RHD: variants seen among roughly 807,000 people sequenced by gnomAD.
The protein encoded by RHD is blood group Rh(D) polypeptide.
RHD carries 16 observed loss-of-function variants against 45.5 expected under a neutral mutation model. The ratio of observed to expected loss-of-function variants is 0.35; its 90% CI spans 0.24 to 0.53. RHD has a LOEUF of 0.53. Ranked by LOEUF, RHD falls within the 20% of genes least tolerant of loss-of-function variation. The probability of loss-of-function intolerance (pLI) is 0.92; values close to 1 mark genes in which losing one functional copy is unlikely to be tolerated. For missense variants in RHD, 306 were observed against 532.0 expected (o/e 0.58, Z 4.18); for synonymous variants, 131 against 217.5 (o/e 0.60, Z 3.50).
chr1:25,311,947 C>T (rs980223813), intron 7 of RHD, among the ~76,000 whole-genome samples: 1 of 129,846 alleles, frequency 7.7e-6, no homozygotes, highest in East Asian at 2.0e-4. Flanking sequence ...AGAGCAGGGT[C>T]TAGTGGAGCT....
intron 2 of RHD, 128 bp downstream of exon 2, chr1:25,284,887 T>A (rs1641831296): frequency 9.3e-7 from 1 of 1,077,234 alleles, no homozygotes; most frequent in Non-Finnish European, 1.4e-6. Flanking sequence ...ATTTAGGACA[T>A]CCTTATACTA....
Position 25,290,878 on chromosome 1 carries a change from G to A in RHD, c.486+87G>A, listed in dbSNP as rs1215165953. ...GGTTTCCAGGGTTTTGAAAAATAAA[G>A]ACAACCTGTAATCCCAGCTACTTGG... On this transcript the variant is annotated intron_variant, in intron 3 of 9. Coordinates refer to ENST00000328664, the MANE Select transcript of RHD (RefSeq NM_016124.6). 4.0e-6 allele frequency: 5 copies of A among 1,261,456 alleles called. No individual in the cohort carries two copies. The African/African-American group carries it at 5.8e-5, about 15-fold the overall frequency. 78.1% of individuals were successfully genotyped at this position (1,261,456 alleles called of 1,614,324 possible).
At chr1:25,275,283 G>C (rs1469730387) in intron 1 of RHD, among the ~76,000 whole-genome samples, 2 of 132,180 alleles carry the variant, frequency 1.5e-5, no homozygotes, top group East Asian at 3.9e-4. Context: ...GTGGGACTCT[G>C]TCTGAAAAAA....
chr1:25,289,099 G>A lies in RHD; in HGVS notation c.336-1542G>A, dbSNP rs1287602550. ...TGAACCTCACATTTGTGATCAGCTGGCATGACTGTTTCCAAAAAGTCCATT... is the reference window on the plus strand; with the variant it reads ...TGAACCTCACATTTGTGATCAGCTGACATGACTGTTTCCAAAAAGTCCATT... On this transcript the variant is annotated intron_variant, in intron 2 of 9. Transcript: ENST00000328664. Among the ~76,000 whole-genome samples the A allele has an allele frequency of 2.3e-5, 3 of 131,576 alleles. 1 individual carries two copies. The highest frequency in any genetic ancestry group is 5.4e-5 in the Non-Finnish European group (3 of 55,526). 86.3% of individuals were successfully genotyped at this position (131,576 alleles called of 152,430 possible). A position where few individuals can be genotyped will look rare whatever the true frequency, so the allele number is the denominator to read the frequency against.
Position 25,288,920 on chromosome 1 carries a change from C to T in RHD, c.336-1721C>T, listed in dbSNP as rs1459393072. On this transcript the variant is annotated intron_variant, in intron 2 of 9. Coordinates refer to ENST00000328664, the MANE Select transcript of RHD (RefSeq NM_016124.6). The stretch of plus-strand genomic sequence containing the variant: ...ATTGAGTAACCCCTTATTCTAAATT[C>T]CTGGTCCCTGTAAGACTCCTTCCCC... Among the ~76,000 whole-genome samples, 14 of 132,662 alleles carry T rather than the reference C, an allele frequency of 1.1e-4. 1 individual carries two copies. Among genetic ancestry groups the T allele is most frequent in the African/African-American group, 1.8e-4 (7 of 38,432 alleles). The allele number at this position is 132,662 out of a possible 152,430, so 87.0% of individuals were successfully genotyped here.
At chr1:25,323,791 A>G (rs1644836576) in intron 9 of RHD, among the ~76,000 whole-genome samples, 1 of 126,440 alleles carries the variant, frequency 7.9e-6, no homozygotes, top group Admixed American at 7.7e-5. Context: ...GGAATCATGC[A>G]GCACGTACTG....
chr1:25,276,532 T>TAAAAAAAAAAAAAAAAAAAAAAAAAAAA (rs557746335), intron 1 of RHD, among the ~76,000 whole-genome samples: 2 of 64,784 alleles, frequency 3.1e-5, no homozygotes, highest in African/African-American at 1.4e-4. Flanking sequence ...CCCCCATCTC[T>TAAAAAAAAAAAAAAAAAAAAAAAAAAAA]AAAAAAAAAA....
At position 25,329,352 on chromosome 1, in the gene RHD, C is replaced by G; in HGVS notation, c.*428C>G. The G allele has an allele frequency of 3.0e-6, 1 of 336,310 alleles. No individual in the cohort carries two copies. Among genetic ancestry groups the G allele is most frequent in the East Asian group, 4.2e-5 (1 of 23,902 alleles). 20.8% of individuals were successfully genotyped at this position (336,310 alleles called of 1,614,324 possible). On this transcript the variant is annotated 3_prime_UTR_variant, in exon 10 of 10. Transcript: ENST00000328664. The stretch of plus-strand genomic sequence containing the variant: ...CTCTACCTCCTGGGTTCAAGCAAAT[C>G]TCCTGCCTCAGCCTCCAAAGTAGCT...
At position 25,286,593 on chromosome 1, in the gene RHD, T is replaced by C. The variant is rs1241442204; in HGVS notation, c.335+1834T>C. 5.2e-5 allele frequency among the ~76,000 whole-genome samples: 7 copies of C among 134,026 alleles called. 2 individuals carry two copies. In the South Asian group the frequency reaches 6.6e-4, roughly 13 times the overall value. 87.9% of individuals were successfully genotyped at this position (134,026 alleles called of 152,430 possible). A position where few individuals can be genotyped will look rare whatever the true frequency, so the allele number is the denominator to read the frequency against. Reference sequence around the variant, plus strand: ...TGAGGTCAGGAGATCGAGACCATCCTGGCTAACTCGGAGAAACCCTGTCTC... The same window carrying C: ...TGAGGTCAGGAGATCGAGACCATCCCGGCTAACTCGGAGAAACCCTGTCTC... On this transcript the variant is annotated intron_variant, in intron 2 of 9. Coordinates refer to ENST00000328664, the MANE Select transcript of RHD (RefSeq NM_016124.6).
intron 6 of RHD, 94 bp downstream of exon 6, chr1:25,303,553 A>T: frequency 8.3e-7 from 1 of 1,200,068 alleles, no homozygotes; most frequent in South Asian, 1.2e-5. Context: ...CAGCTGCATT[A>T]GGCAGGTGTC....
At position 25,290,595 on chromosome 1, in the gene RHD, G is replaced by C. The variant is rs1571626147; in HGVS notation, c.336-46G>C. On this transcript the variant is annotated intron_variant, in intron 2 of 9. Coordinates refer to ENST00000328664, the MANE Select transcript of RHD (RefSeq NM_016124.6). Reference sequence around the variant, plus strand: ...TGAATGAATGAATGAATGAGTGAGAGGCATCCTTCCTTCTCAGTCGTCCTG... The same window carrying C: ...TGAATGAATGAATGAATGAGTGAGACGCATCCTTCCTTCTCAGTCGTCCTG... The C allele has an allele frequency of 7.9e-6, 10 of 1,270,222 alleles. 1 individual carries two copies. The East Asian group carries it at 2.0e-4, about 26-fold the overall frequency. 78.7% of individuals were successfully genotyped at this position (1,270,222 alleles called of 1,614,324 possible).
At chr1:25,320,880 A>C (rs1437994010) in intron 8 of RHD, among the ~76,000 whole-genome samples, 1 of 130,630 alleles carries the variant, frequency 7.7e-6, no homozygotes, top group East Asian at 2.0e-4. Context: ...TGTCTCTGCA[A>C]AAAATACCAA....
chr1:25,295,046 G>A (rs982553738), intron 3 of RHD, among the ~76,000 whole-genome samples: 2 of 146,548 alleles, frequency 1.4e-5, no homozygotes, highest in African/African-American at 5.3e-5. Flanking sequence ...AGCCTGGAGT[G>A]CTGCCCAGAG....
rs572365383 is a variant in RHD, at chr1:25,294,374, C to T, written c.486+3583C>T. ...GGGCTGCAGCCAGGGAATAGTCCGT[C>T]GCAGAGCAAGGATTCAAATAAGCAG... On this transcript the variant is annotated intron_variant, in intron 3 of 9. Coordinates refer to ENST00000328664, the MANE Select transcript of RHD (RefSeq NM_016124.6). 49 of 786,566 alleles carry T rather than the reference C, an allele frequency of 6.2e-5. 8 individuals are homozygous for T. Among genetic ancestry groups the T allele is most frequent in the East Asian group, 4.0e-4 (17 of 42,048 alleles). 48.7% of individuals were successfully genotyped at this position (786,566 alleles called of 1,614,324 possible).
chr1:25,279,057 C>G (rs1641255052), intron 1 of RHD, among the ~76,000 whole-genome samples: 1 of 129,664 alleles, frequency 7.7e-6, no homozygotes, highest in Non-Finnish European at 1.8e-5. Context: ...GGAGGGGGCG[C>G]AGATCCAGAA....
intron 7 of RHD, among the ~76,000 whole-genome samples, chr1:25,314,725 T>C (rs1191514350): frequency 3.0e-5 from 4 of 131,842 alleles, no homozygotes; most frequent in African/African-American, 1.0e-4. Flanking sequence ...AGGCTGATCT[T>C]GGACTCCTGG....
At position 25,328,935 on chromosome 1, in the gene RHD, C is replaced by T. The variant is rs1644915480; in HGVS notation, c.*11C>T. ...GCTGTTGGATTTTAAGCAAAAGCAT[C>T]CAAGAAAAACAAGGCCTGTTCAAAA... On this transcript the variant is annotated 3_prime_UTR_variant, in exon 10 of 10. Transcript: ENST00000328664. The T allele has an allele frequency of 7.6e-7, 1 of 1,311,478 alleles. No individual in the cohort carries two copies. The highest frequency in any genetic ancestry group is 1.9e-5 in the Admixed American group (1 of 53,446). 81.2% of individuals were successfully genotyped at this position (1,311,478 alleles called of 1,614,324 possible).
intron 2 of RHD, 27 bp downstream of exon 2, chr1:25,284,786 C>A (rs1641822790): frequency 7.2e-7 from 1 of 1,382,974 alleles, no homozygotes; most frequent in Non-Finnish European, 1.0e-6. Flanking sequence ...TGGATCACTT[C>A]TGGGTCATAG....
intron 1 of RHD, among the ~76,000 whole-genome samples, chr1:25,278,900 G>T (rs553432898): frequency 7.8e-6 from 1 of 128,444 alleles, no homozygotes; most frequent in African/African-American, 2.7e-5. Flanking sequence ...AGGAGGTGGC[G>T]GCCTCCTGAG....
Sources: gnomAD v4.1 joint callset for allele counts (sites outside exome capture counted in the v4.1 genomes callset) on GRCh38, gnomAD v4.1.1 for gene constraint, MANE v1.5 for transcripts, NCBI Gene and HGNC (gene_info 2026-07-23, HGNC 2026-07-21) for gene names.